FCHSD2: variants seen among roughly 807,000 people sequenced by gnomAD.
FCHSD2 encodes the protein FCH and double SH3 domains 2.
A neutral mutation model predicts 108.1 loss-of-function variants in FCHSD2; 38 were observed. The observed-to-expected ratio is 0.35, with a 90% confidence interval of 0.27 to 0.46. The LOEUF is 0.46. Among genes scored for constraint, FCHSD2 ranks in the 20% least tolerant of loss-of-function variants. The pLI is 1.00. For synonymous variants in FCHSD2, 279 were observed against 314.7 expected (o/e 0.89, Z 1.20); for missense variants, 751 against 897.8 (o/e 0.84, Z 2.09).
intron 13 of FCHSD2, among the ~76,000 whole-genome samples, chr11:72,863,826 C>T (rs1300322601): frequency 1.3e-5 from 2 of 152,168 alleles, no homozygotes; most frequent in African/African-American, 2.4e-5. Context: ...AAAAGACTGA[C>T]TATAGTAAGT....
chr11:72,876,934 GT>G (rs2135224497), intron 12 of FCHSD2, among the ~76,000 whole-genome samples: 1 of 150,872 alleles, frequency 6.6e-6, no homozygotes, highest in East Asian at 1.9e-4. Context: ...AATATTCCTT[GT>G]CCTAAAATGT....
At chr11:72,890,170 A>G (rs1163271771) in intron 10 of FCHSD2, among the ~76,000 whole-genome samples, 3 of 152,228 alleles carry the variant, frequency 2.0e-5, no homozygotes, top group Non-Finnish European at 2.9e-5. Flanking sequence ...ACTGCTGAAC[A>G]CAAAAGCATC....
At chr11:73,110,306 A>C (rs1860452172) in intron 2 of FCHSD2, among the ~76,000 whole-genome samples, 1 of 152,034 alleles carries the variant, frequency 6.6e-6, no homozygotes, top group Non-Finnish European at 1.5e-5. Flanking sequence ...TCTGCAGCAA[A>C]GCCATTAGGT....
chr11:72,904,663 A>G (rs1041175972), intron 9 of FCHSD2, among the ~76,000 whole-genome samples: 1 of 152,212 alleles, frequency 6.6e-6, no homozygotes, highest in Admixed American at 6.5e-5. Flanking sequence ...TTACAAAGCA[A>G]CAAGTTCTCA....
chr11:73,095,647 C>T (rs955514598), intron 2 of FCHSD2, among the ~76,000 whole-genome samples: 1 of 152,096 alleles, frequency 6.6e-6, no homozygotes, highest in Non-Finnish European at 1.5e-5. Flanking sequence ...AAACTCAAAG[C>T]GGGAGTACCT....
chr11:73,087,960 A>C (rs1283335891), intron 2 of FCHSD2, among the ~76,000 whole-genome samples: 1 of 152,086 alleles, frequency 6.6e-6, no homozygotes, highest in Non-Finnish European at 1.5e-5. Flanking sequence ...CTTACTCTCA[A>C]CTTTCAATTC....
chr11:73,118,042 C>T (rs1565098735), intron 2 of FCHSD2, among the ~76,000 whole-genome samples: 1 of 152,178 alleles, frequency 6.6e-6, no homozygotes, highest in Admixed American at 6.5e-5. Flanking sequence ...TGGGGCCAGG[C>T]CCAGTGGCTC....
At chr11:73,139,906 G>A in intron 2 of FCHSD2, 125 bp downstream of exon 2, 2 of 558,982 alleles carry the variant, frequency 3.6e-6, no homozygotes, top group South Asian at 5.6e-5. Context: ...CTGAGTCAAA[G>A]TTCTAACAGC....
chr11:72,940,679 T>C (rs1856398263), intron 8 of FCHSD2: 16 of 1,163,460 alleles, frequency 1.4e-5, no homozygotes, highest in Admixed American at 6.8e-5. Flanking sequence ...GGTTACATTA[T>C]ATATAGGATT....
chr11:72,943,037 G>A (rs993721018), intron 8 of FCHSD2, among the ~76,000 whole-genome samples: 10 of 152,038 alleles, frequency 6.6e-5, no homozygotes, highest in South Asian at 2.1e-4. Context: ...TGTTGCTCAC[G>A]CTGGAGTGCA....
intron 9 of FCHSD2, among the ~76,000 whole-genome samples, chr11:72,920,718 C>A (rs528561336): frequency 9.6e-4 from 146 of 152,238 alleles, no homozygotes; most frequent in African/African-American, 3.4e-3. Flanking sequence ...TAAAATCAAA[C>A]AAATTATACA....
intron 9 of FCHSD2, among the ~76,000 whole-genome samples, chr11:72,916,218 T>C (rs1373707081): frequency 6.6e-6 from 1 of 150,930 alleles, no homozygotes; most frequent in Non-Finnish European, 1.5e-5. Flanking sequence ...GAAATTAAAA[T>C]TAAAGGGAAA....
chr11:73,046,775 A>G (rs560332442), intron 3 of FCHSD2, among the ~76,000 whole-genome samples: 1 of 152,172 alleles, frequency 6.6e-6, no homozygotes, highest in Admixed American at 6.6e-5. Flanking sequence ...TAAGACAGGG[A>G]TTTCACCATG....
chr11:72,953,066 G>T, intron 8 of FCHSD2, among the ~76,000 whole-genome samples: 1 of 152,138 alleles, frequency 6.6e-6, no homozygotes, highest in Non-Finnish European at 1.5e-5. Context: ...AAGTTATTGT[G>T]CTCCAATAGA....
intron 3 of FCHSD2, among the ~76,000 whole-genome samples, chr11:73,076,020 G>C (rs910984386): frequency 1.3e-5 from 2 of 152,004 alleles, no homozygotes; most frequent in African/African-American, 4.8e-5. Flanking sequence ...TTGGGAGTCT[G>C]ACATAGGAGA....
rs909249244 is a variant in FCHSD2, at chr11:72,849,609, AC to A, written c.1443+145del. ...TGAAAGACGTCAAGTCAGAGCCTAA[AC>A]TCATCACCATTCTGTTATGTTGCCC... On this transcript the variant is annotated intron_variant, in intron 14 of 19. Transcript: ENST00000409418. 35 of 665,404 alleles carry A rather than the reference AC, an allele frequency of 5.3e-5. No individual in the cohort carries two copies. In the African/African-American group the frequency reaches 5.3e-4, roughly 10 times the overall value. The allele number at this position is 665,404 out of a possible 1,614,324, so 41.2% of individuals were successfully genotyped here.
intron 4 of FCHSD2, among the ~76,000 whole-genome samples, chr11:73,005,563 C>T (rs1857723003): frequency 6.6e-6 from 1 of 152,200 alleles, no homozygotes; most frequent in East Asian, 1.9e-4. Flanking sequence ...CTGGAGTGCC[C>T]TCAAGTCAGA....
At chr11:72,933,187 C>A (rs1414872890) in intron 8 of FCHSD2, among the ~76,000 whole-genome samples, 1 of 152,130 alleles carries the variant, frequency 6.6e-6, no homozygotes, top group Non-Finnish European at 1.5e-5. Flanking sequence ...CTGTCCTCTG[C>A]CCCTAATTAC....
intron 3 of FCHSD2, among the ~76,000 whole-genome samples, chr11:73,071,559 G>C (rs1243479808): frequency 1.3e-5 from 2 of 152,056 alleles, no homozygotes; most frequent in East Asian, 3.9e-4. Flanking sequence ...AAATTAGCTG[G>C]GCATGGTGGT....
Sources: gnomAD v4.1 joint callset for allele counts (sites outside exome capture counted in the v4.1 genomes callset) on GRCh38, gnomAD v4.1.1 for gene constraint, MANE v1.5 for transcripts, NCBI Gene and HGNC (gene_info 2026-07-23, HGNC 2026-07-21) for gene names.